The following CTNNA3 variants were observed in gnomAD, a reference collection of about 807,000 sequenced individuals.
CTNNA3 encodes catenin alpha-3.
A neutral mutation model predicts 95.7 loss-of-function variants in CTNNA3; 76 were observed. The observed-to-expected ratio is 0.79, with a 90% CI of 0.66 to 0.96. The LOEUF is 0.96. Among genes scored for constraint, CTNNA3 ranks in the 40% least tolerant of loss-of-function variants. The probability of loss-of-function intolerance (pLI) is 0.00; values close to 1 mark genes in which losing one functional copy is unlikely to be tolerated. For missense variants in CTNNA3, 1,191 were observed against 1,089.8 expected (o/e 1.09, Z -1.31); for synonymous variants, 431 against 374.4 (o/e 1.15, Z -1.74).
intron 1 of CTNNA3, among the ~76,000 whole-genome samples, chr10:67,671,490 C>A (rs1840431865): frequency 1.3e-5 from 2 of 149,916 alleles, no homozygotes; most frequent in Non-Finnish European, 2.9e-5. Flanking sequence ...GGTATATCTC[C>A]TAATGCTATC....
At chr10:65,948,006 G>C (rs771324050) in intron 17 of CTNNA3, among the ~76,000 whole-genome samples, 7 of 152,162 alleles carry the variant, frequency 4.6e-5, no homozygotes, top group Non-Finnish European at 7.4e-5. Flanking sequence ...GGCCAGGCGC[G>C]GTGGCTTACG....
rs1839846273 is a variant in CTNNA3, at chr10:66,766,251, C to T, written c.1281+13G>A. ...TCCTGGACTTTAGTGAGTTACAGTT[C>T]TAGCATGCTTACCTCTACAAGCCTG... On this transcript the variant is annotated intron_variant, in intron 9 of 17. Coordinates refer to ENST00000433211, the MANE Select transcript of CTNNA3 (RefSeq NM_013266.4). 1 of 1,612,570 alleles carries T rather than the reference C, an allele frequency of 6.2e-7. No individual in the cohort carries two copies. Among genetic ancestry groups the T allele is most frequent in the Non-Finnish European group, 8.5e-7 (1 of 1,179,032 alleles).
At chr10:67,413,959 C>T (rs1845462551) in intron 5 of CTNNA3, among the ~76,000 whole-genome samples, 1 of 151,928 alleles carries the variant, frequency 6.6e-6, no homozygotes, top group Admixed American at 6.6e-5. Flanking sequence ...ATTAATAGTC[C>T]TAAATGCCTT....
intron 10 of CTNNA3, among the ~76,000 whole-genome samples, chr10:66,575,875 C>T (rs1842988938): frequency 6.6e-6 from 1 of 152,088 alleles, no homozygotes; most frequent in South Asian, 2.1e-4. Flanking sequence ...CAAATCAATA[C>T]ATCTGTTCTT....
At chr10:67,475,903 A>T (rs1847990954) in intron 5 of CTNNA3, among the ~76,000 whole-genome samples, 1 of 152,228 alleles carries the variant, frequency 6.6e-6, no homozygotes, top group Non-Finnish European at 1.5e-5. Flanking sequence ...ACAAAATATT[A>T]TGTTAGGAAA....
chr10:66,921,641 C>T (rs1404349517), intron 7 of CTNNA3, among the ~76,000 whole-genome samples: 1 of 152,170 alleles, frequency 6.6e-6, no homozygotes, highest in African/African-American at 2.4e-5. Flanking sequence ...AGCTCATATC[C>T]TTCAAGGTTT....
At chr10:66,605,923 T>A (rs775788780) in intron 10 of CTNNA3, among the ~76,000 whole-genome samples, 10 of 152,066 alleles carry the variant, frequency 6.6e-5, no homozygotes, top group Admixed American at 6.6e-5. Context: ...CCACCTAACA[T>A]CATGATGACA....
At chr10:66,552,965 AT>A (rs937030787) in intron 10 of CTNNA3, among the ~76,000 whole-genome samples, 1 of 151,780 alleles carries the variant, frequency 6.6e-6, no homozygotes, top group South Asian at 2.1e-4. Context: ...ATGCTGAGTG[AT>A]TTTTTTGCAC....
At chr10:65,929,951 G>A (rs2077225006) in intron 17 of CTNNA3, among the ~76,000 whole-genome samples, 1 of 151,894 alleles carries the variant, frequency 6.6e-6, no homozygotes, top group Non-Finnish European at 1.5e-5. Context: ...TAAAGCTTAG[G>A]ACAAATTCTA....
At chr10:66,273,893 G>T (rs536196014) in intron 13 of CTNNA3, among the ~76,000 whole-genome samples, 1 of 152,100 alleles carries the variant, frequency 6.6e-6, no homozygotes, top group East Asian at 1.9e-4. Flanking sequence ...TGGGACCCTA[G>T]ACTGTGAATA....
At position 65,917,841 on chromosome 10, in the gene CTNNA3, T is replaced by G. The variant is rs1373601531; in HGVS notation, c.*2489A>C. ...GGGAGATTTATTCATATCTTGCTGC[T>G]AGTTTTTCTTGCATATAAGCATTTG... On this transcript the variant is annotated 3_prime_UTR_variant, in exon 18 of 18. Transcript: ENST00000433211. 1 of 152,216 alleles carries G rather than the reference T, an allele frequency of 6.6e-6. No homozygotes were observed. Among genetic ancestry groups the G allele is most frequent in the Non-Finnish European group, 1.5e-5 (1 of 68,042 alleles). 9.4% of individuals were successfully genotyped at this position (152,216 alleles called of 1,614,324 possible).
At chr10:66,333,616 T>C (rs1277229915) in intron 12 of CTNNA3, among the ~76,000 whole-genome samples, 1 of 152,088 alleles carries the variant, frequency 6.6e-6, no homozygotes, top group Non-Finnish European at 1.5e-5. Context: ...ATTTCTGTTC[T>C]TTTACATTTG....
intron 8 of CTNNA3, among the ~76,000 whole-genome samples, chr10:66,772,890 TAA>T (rs1182434697): frequency 6.6e-6 from 1 of 152,190 alleles, no homozygotes; most frequent in African/African-American, 2.4e-5. Flanking sequence ...AAAAAAGTTT[TAA>T]AAGATAAAAC....
intron 12 of CTNNA3, among the ~76,000 whole-genome samples, chr10:66,331,658 T>G (rs2092332580): frequency 6.6e-6 from 1 of 152,054 alleles, no homozygotes; most frequent in Non-Finnish European, 1.5e-5. Context: ...TCCATTGGTC[T>G]ATATCTTCGT....
intron 10 of CTNNA3, among the ~76,000 whole-genome samples, chr10:66,576,367 A>T (rs1391449886): frequency 6.6e-6 from 1 of 152,056 alleles, no homozygotes; most frequent in East Asian, 1.9e-4. Context: ...TTACACATAC[A>T]GGCTTGTTAC....
Position 66,854,595 on chromosome 10 carries a change from T to A in CTNNA3, c.1048-79071A>T, listed in dbSNP as rs539154715. Among the ~76,000 whole-genome samples the A allele has an allele frequency of 8.6e-5, 13 of 152,016 alleles. No homozygotes were observed. The South Asian group carries it at 2.7e-3, about 32-fold the overall frequency. ...CAACTGGGAAGATCCAGGAGGAATT[T>A]ATTGGTGAGGCTGCATTTGAGCTGT... On this transcript the variant is annotated intron_variant, in intron 7 of 17. Transcript: ENST00000433211.
chr10:66,243,909 A>G (rs1462309668), intron 13 of CTNNA3, among the ~76,000 whole-genome samples: 1 of 152,038 alleles, frequency 6.6e-6, no homozygotes, highest in African/African-American at 2.4e-5. Context: ...TTCAGGTACT[A>G]GCTCAGTCAC....
intron 5 of CTNNA3, among the ~76,000 whole-genome samples, chr10:67,402,130 G>T (rs750160623): frequency 2.6e-5 from 4 of 152,162 alleles, no homozygotes; most frequent in Non-Finnish European, 4.4e-5. Flanking sequence ...TCAAAATATG[G>T]ATGGCAAAGA....
intron 3 of CTNNA3, among the ~76,000 whole-genome samples, chr10:67,576,104 T>A (rs1252747958): frequency 1.3e-5 from 2 of 152,178 alleles, no homozygotes; most frequent in African/African-American, 2.4e-5. Flanking sequence ...AAGATTGCAT[T>A]GATATGTGAG....
Sources: allele counts gnomAD v4.1 joint callset (sites outside exome capture counted in the v4.1 genomes callset), GRCh38; gene constraint gnomAD v4.1.1; transcripts MANE v1.5; gene names NCBI Gene and HGNC (gene_info 2026-07-23, HGNC 2026-07-21).